The following XKR5 variants were observed in gnomAD, a reference collection of about 807,000 sequenced individuals.
The protein encoded by XKR5 is XK-related protein 5.
XKR5 carries 46 observed loss-of-function variants against 40.8 expected under a neutral mutation model. The observed-to-expected ratio is 1.13, with a 90% CI of 0.89 to 1.44. XKR5 has a LOEUF of 1.44. Ranked by LOEUF, XKR5 falls within the 40% of genes most tolerant of loss-of-function variation. The pLI, the probability that XKR5 is intolerant of heterozygous loss-of-function variation, is 0.00. For missense variants in XKR5, 1,169 were observed against 844.7 expected (o/e 1.38, Z -4.76); for synonymous variants, 466 against 356.1 (o/e 1.31, Z -3.48).
chr8:6,833,987 A>T (rs551063834), intron 1 of XKR5, among the ~76,000 whole-genome samples: 5 of 151,746 alleles, frequency 3.3e-5, no homozygotes, highest in African/African-American at 1.2e-4. Flanking sequence ...GAGAATGTGC[A>T]CTCCGCAGTC....
At position 6,830,631 on chromosome 8, in the gene XKR5, C is replaced by A. The variant is rs914051599; in HGVS notation, c.242+2086G>T. On this transcript the variant is annotated intron_variant, in intron 2 of 6. Coordinates refer to ENST00000618742, the MANE Select transcript of XKR5 (RefSeq NM_207411.5). ...TGGCCTTTCTCATTTCTTTTCTTTT[C>A]TTTTTTGTTCTTTTAAGGATGTGTA... Among the ~76,000 whole-genome samples the A allele has an allele frequency of 3.3e-5, 5 of 152,038 alleles. 1 individual carries two copies. In the South Asian group the frequency reaches 1.0e-3, roughly 32 times the overall value.
intron 2 of XKR5, among the ~76,000 whole-genome samples, chr8:6,828,767 C>G (rs1184265088): frequency 1.3e-5 from 2 of 152,148 alleles, no homozygotes; most frequent in Admixed American, 6.5e-5. Flanking sequence ...GCTCATTTGC[C>G]CATATTATTC....
chr8:6,811,425 G>A lies in XKR5; in HGVS notation c.1834C>T (p.Pro612Ser). Residue 612 changes from proline (P) to serine (S), a missense_variant, in exon 7 of 7, where the codon CCC becomes TCC. Physicochemically the swap from Pro to Ser is moderately conservative, Grantham distance 74 (BLOSUM62 -1). Coordinates refer to ENST00000618742, the MANE Select transcript of XKR5 (RefSeq NM_207411.5). ...GTTCTTCCAGGGAAGCCTGCACTGG[G>A]GCAGAAGCCTCTACATGGGCCTGTG... ...LGTGPCRGFC[P>S]SAGFPGRTLS... The A allele has an allele frequency of 9.8e-6, 15 of 1,537,108 alleles. No individual in the cohort carries two copies. Among genetic ancestry groups the A allele is most frequent in the Non-Finnish European group, 1.3e-5 (15 of 1,146,816 alleles).
At chr8:6,826,254 A>C (rs1001533769) in intron 2 of XKR5, among the ~76,000 whole-genome samples, 1 of 152,040 alleles carries the variant, frequency 6.6e-6, no homozygotes, top group Non-Finnish European at 1.5e-5. Flanking sequence ...GTATGTTTAT[A>C]TATGTGTGTG....
chr8:6,817,022 C>A (rs2117087154), intron 5 of XKR5, among the ~76,000 whole-genome samples: 1 of 152,316 alleles, frequency 6.6e-6, no homozygotes, highest in South Asian at 2.1e-4. Flanking sequence ...AGGCATCTTT[C>A]TCTCCCCACT....
At chr8:6,820,621 G>C (rs1447893694) in intron 5 of XKR5, among the ~76,000 whole-genome samples, 3 of 152,190 alleles carry the variant, frequency 2.0e-5, no homozygotes, top group African/African-American at 7.2e-5. Context: ...ATGTTGGTTG[G>C]GAGGCTGCTC....
intron 6 of XKR5, among the ~76,000 whole-genome samples, chr8:6,814,047 A>T (rs893076988): frequency 2.0e-5 from 3 of 152,174 alleles, no homozygotes; most frequent in Non-Finnish European, 4.4e-5. Context: ...TCCAAGTATC[A>T]CATGGCCCCT....
At position 6,815,202 on chromosome 8, in the gene XKR5, C is replaced by A. The variant is rs550679706; in HGVS notation, c.919+605G>T. Among the ~76,000 whole-genome samples, 204 of 152,302 alleles carry A rather than the reference C, an allele frequency of 1.3e-3. 3 individuals are homozygous for A. The South Asian group carries it at 0.038, about 28-fold the overall frequency. ...TTTCAAGTGGGGGGCGGAATCCCTG[C>A]GGAACTCATGCCAATCTGGGAAGCG... On this transcript the variant is annotated intron_variant, in intron 6 of 6. Transcript: ENST00000618742.
At chr8:6,828,569 G>A (rs117990022) in intron 2 of XKR5, among the ~76,000 whole-genome samples, 1 of 152,340 alleles carries the variant, frequency 6.6e-6, no homozygotes, top group Non-Finnish European at 1.5e-5. Context: ...GGAGGAAGCT[G>A]AGGCGGGATG....
intron 5 of XKR5, among the ~76,000 whole-genome samples, chr8:6,819,934 T>C (rs1175056807): frequency 6.7e-6 from 1 of 149,616 alleles, no homozygotes; most frequent in Non-Finnish European, 1.5e-5. Flanking sequence ...CGATGTCTGT[T>C]TCATTTATTG....
intron 1 of XKR5, among the ~76,000 whole-genome samples, chr8:6,834,480 A>C (rs796510318): frequency 3.3e-5 from 5 of 152,320 alleles, no homozygotes; most frequent in African/African-American, 9.6e-5. Flanking sequence ...GCTGGAGGGC[A>C]AGGGAGGACA....
At chr8:6,829,565 G>C (rs1453830369) in intron 2 of XKR5, among the ~76,000 whole-genome samples, 6 of 152,136 alleles carry the variant, frequency 3.9e-5, no homozygotes, top group Non-Finnish European at 7.3e-5. Flanking sequence ...GCCTAGGTTG[G>C]AGTGCAGTGG....
chr8:6,824,435 G>A (rs1335146266), intron 3 of XKR5, among the ~76,000 whole-genome samples: 1 of 152,196 alleles, frequency 6.6e-6, no homozygotes, highest in African/African-American at 2.4e-5. Flanking sequence ...GGCCTGAAAT[G>A]AGTGGGAGCT....
chr8:6,811,413 A>G lies in XKR5; in HGVS notation c.1846T>C (p.Phe616Leu). Residue 616 changes from phenylalanine to leucine, a missense_variant, in exon 7 of 7, where the codon TTC becomes CTC. By Grantham distance (22) the Phe-to-Leu change is conservative. Coordinates refer to ENST00000618742, the MANE Select transcript of XKR5 (RefSeq NM_207411.5). ...PCRGFCPSAG[F>L]PGRTLSISEL... ...GAGATACTGAGGGTTCTTCCAGGGA[A>G]GCCTGCACTGGGGCAGAAGCCTCTA... 6.5e-7 allele frequency: 1 copy of G among 1,537,226 alleles called. No homozygotes were observed. The highest frequency in any genetic ancestry group is 8.7e-7 in the Non-Finnish European group (1 of 1,146,892).
At chr8:6,833,972 G>C (rs992239424) in intron 1 of XKR5, among the ~76,000 whole-genome samples, 13 of 152,178 alleles carry the variant, frequency 8.5e-5, no homozygotes, top group African/African-American at 3.1e-4. Flanking sequence ...GTTACGCAGT[G>C]GAGAGAGAAT....
chr8:6,822,878 T>G (rs542626420), intron 4 of XKR5, among the ~76,000 whole-genome samples: 2 of 152,336 alleles, frequency 1.3e-5, no homozygotes, highest in African/African-American at 4.8e-5. Context: ...GATTCAGCAT[T>G]CAAAGGAAAT....
chr8:6,815,975 C>A (rs1240563806), intron 5 of XKR5, 57 bp from the exon 6 acceptor site: 4 of 1,369,972 alleles, frequency 2.9e-6, no homozygotes, highest in Admixed American at 2.0e-5. Flanking sequence ...GCCTAGGGAC[C>A]CCCGTCCCGT....
intron 1 of XKR5, 99 bp downstream of exon 1, chr8:6,835,337 G>A (rs556489061): frequency 1.6e-6 from 2 of 1,221,298 alleles, no homozygotes; most frequent in South Asian, 2.0e-5. Flanking sequence ...GCAGGCTGGG[G>A]CAGTGCCCGC....
chr8:6,822,786 T>C (rs1804298991), intron 4 of XKR5, among the ~76,000 whole-genome samples: 2 of 152,216 alleles, frequency 1.3e-5, no homozygotes, highest in African/African-American at 2.4e-5. Context: ...TTGCCATTCA[T>C]ATTGCGTGTG....
Sources: gnomAD v4.1 joint callset for allele counts (sites outside exome capture counted in the v4.1 genomes callset) on GRCh38, gnomAD v4.1.1 for gene constraint, MANE v1.5 for transcripts, NCBI Gene and HGNC (gene_info 2026-07-23, HGNC 2026-07-21) for gene names.